Variants in PTPN4 observed in about 807,000 individuals in gnomAD.
The protein encoded by PTPN4 is tyrosine-protein phosphatase non-receptor type 4.
In PTPN4, 49 loss-of-function variants were observed where a neutral mutation model predicts 135.5. The observed-to-expected ratio is 0.36, with a 90% CI of 0.29 to 0.46. The LOEUF is 0.46. Ranked by LOEUF, PTPN4 falls within the 20% of genes least tolerant of loss-of-function variation. The pLI is 1.00. For synonymous variants in PTPN4, 333 were observed against 369.9 expected (o/e 0.90, Z 1.14); for missense variants, 860 against 1,101.0 (o/e 0.78, Z 3.10).
intron 1 of PTPN4, among the ~76,000 whole-genome samples, chr2:119,787,904 G>C (rs1691074570): frequency 6.6e-6 from 1 of 152,120 alleles, no homozygotes; most frequent in East Asian, 1.9e-4. Context: ...GAAATTGCTG[G>C]TATTAAAGAC....
chr2:119,853,883 G>C lies in PTPN4; in HGVS notation c.139-8653G>C, dbSNP rs554613075. The stretch of plus-strand genomic sequence containing the variant: ...AGGGTCCTTTGTCTCAGACCGATTA[G>C]ATAAACAACACGGACACATGTGGCA... On this transcript the variant is annotated intron_variant, in intron 2 of 26. Transcript: ENST00000263708. Among the ~76,000 whole-genome samples, 3 of 152,230 alleles carry C rather than the reference G, an allele frequency of 2.0e-5. No homozygotes were observed. The East Asian group carries it at 5.8e-4, about 29-fold the overall frequency.
chr2:119,862,912 G>C (rs560338369), intron 3 of PTPN4, among the ~76,000 whole-genome samples: 1 of 152,064 alleles, frequency 6.6e-6, no homozygotes, highest in Admixed American at 6.5e-5. Flanking sequence ...TCCAATTTAT[G>C]CCTGTTGACT....
At chr2:119,838,029 C>A (rs1274855503) in intron 2 of PTPN4, among the ~76,000 whole-genome samples, 2 of 152,226 alleles carry the variant, frequency 1.3e-5, no homozygotes, top group Admixed American at 1.3e-4. Context: ...AAGCTTCCTT[C>A]CAGTAGGAAA....
chr2:119,861,139 G>A (rs1677754744), intron 2 of PTPN4, among the ~76,000 whole-genome samples: 2 of 152,048 alleles, frequency 1.3e-5, no homozygotes, highest in South Asian at 4.2e-4. Flanking sequence ...GTCATAACAT[G>A]ACAGAGAAGC....
At chr2:119,799,251 G>A (rs1254102192) in intron 1 of PTPN4, among the ~76,000 whole-genome samples, 4 of 152,180 alleles carry the variant, frequency 2.6e-5, no homozygotes, top group Admixed American at 1.3e-4. Flanking sequence ...ACCTCCATAA[G>A]TGAAATGCTG....
intron 3 of PTPN4, among the ~76,000 whole-genome samples, chr2:119,863,430 A>G (rs928042550): frequency 1.3e-5 from 2 of 152,126 alleles, no homozygotes; most frequent in African/African-American, 4.8e-5. Context: ...TTTGAAGGGA[A>G]TATTTTGTAT....
intron 2 of PTPN4, among the ~76,000 whole-genome samples, chr2:119,813,310 C>A (rs925010256): frequency 6.6e-6 from 1 of 151,424 alleles, no homozygotes; most frequent in Non-Finnish European, 1.5e-5. Context: ...TACAATGGCA[C>A]GATCTCGGCT....
chr2:119,774,168 A>G (rs535089833), intron 1 of PTPN4, among the ~76,000 whole-genome samples: 1 of 152,320 alleles, frequency 6.6e-6, no homozygotes, highest in Admixed American at 6.5e-5. Context: ...CATCATGTTT[A>G]GTGCAAATCA....
intron 26 of PTPN4, among the ~76,000 whole-genome samples, chr2:119,970,537 C>G (rs1558778572): frequency 6.6e-6 from 1 of 152,068 alleles, no homozygotes; most frequent in Admixed American, 6.6e-5. Context: ...TATTCTGGAC[C>G]TTTTATATGA....
intron 3 of PTPN4, 66 bp from the exon 4 acceptor site, chr2:119,877,257 T>C: frequency 6.5e-7 from 1 of 1,530,720 alleles, no homozygotes; most frequent in East Asian, 2.3e-5. Flanking sequence ...TGGAACAGAT[T>C]TGCAAGAATC....
chr2:119,848,757 C>T (rs923170094), intron 2 of PTPN4, among the ~76,000 whole-genome samples: 11 of 151,912 alleles, frequency 7.2e-5, no homozygotes, highest in Non-Finnish European at 1.2e-4. Context: ...CATGCCACCA[C>T]GCCTAGCTAG....
chr2:119,955,142 A>ATTTT lies in PTPN4; in HGVS notation c.1814-6_1814-3dup. 1 of 1,182,336 alleles carries ATTTT rather than the reference A, an allele frequency of 8.5e-7. No homozygotes were observed. Among genetic ancestry groups the ATTTT allele is most frequent in the South Asian group, 1.5e-5 (1 of 65,912 alleles). 73.2% of individuals were successfully genotyped at this position (1,182,336 alleles called of 1,614,324 possible). A position where few individuals can be genotyped will look rare whatever the true frequency, so the allele number is the denominator to read the frequency against. On this transcript the variant is annotated splice_polypyrimidine_tract_variant and intron_variant, in intron 19 of 26. Transcript: ENST00000263708. ...ATTTCCACGTTTTGGGGTTTGTTTG[A>ATTTT]TTTTTTTTTTTTAGCTGTATATGAT...
intron 15 of PTPN4, among the ~76,000 whole-genome samples, chr2:119,943,317 T>C (rs560386248): frequency 6.3e-4 from 96 of 152,312 alleles, no homozygotes; most frequent in Non-Finnish European, 1.1e-3. Flanking sequence ...GGAGAACAGA[T>C]GTATCCAAGG....
At chr2:119,808,834 G>A (rs1481682464) in intron 1 of PTPN4, among the ~76,000 whole-genome samples, 3 of 152,062 alleles carry the variant, frequency 2.0e-5, no homozygotes, top group South Asian at 2.1e-4. Context: ...TTTACTTTGA[G>A]CTTTAATCTT....
intron 1 of PTPN4, among the ~76,000 whole-genome samples, chr2:119,767,941 G>A (rs1690663671): frequency 6.6e-6 from 1 of 152,170 alleles, no homozygotes; most frequent in Non-Finnish European, 1.5e-5. Flanking sequence ...ATATCTGGGA[G>A]TGTGTCAATA....
intron 1 of PTPN4, among the ~76,000 whole-genome samples, chr2:119,797,879 T>G (rs577476418): frequency 9.5e-4 from 145 of 152,290 alleles, no homozygotes; most frequent in Non-Finnish European, 1.6e-3. Context: ...CCTAAGCGCT[T>G]CTTCTTTTTT....
Position 119,809,894 on chromosome 2 carries a change from A to G in PTPN4, c.41A>G (p.Asn14Ser), listed in dbSNP as rs963363739. Residue 14 changes from asparagine (N) to serine (S), a missense_variant, in exon 2 of 27, where the codon AAT (asparagine) becomes AGT (serine). Coordinates refer to ENST00000263708, the MANE Select transcript of PTPN4 (RefSeq NM_002830.4). ...CGATTGCCTGCTGGCAGAACCTACAATGTACGAGCATCAGAGTTGGCCCGA... is the reference window on the plus strand; with the variant it reads ...CGATTGCCTGCTGGCAGAACCTACAGTGTACGAGCATCAGAGTTGGCCCGA... The part of the protein sequence containing the change: ...RFRLPAGRTY[N>S]VRASELARDR... 6 of 1,613,544 alleles carry G rather than the reference A, an allele frequency of 3.7e-6. No individual in the cohort carries two copies. The highest frequency in any genetic ancestry group is 5.1e-6 in the Non-Finnish European group (6 of 1,179,756).
chr2:119,891,038 C>T (rs1329087705), intron 9 of PTPN4, among the ~76,000 whole-genome samples: 3 of 152,188 alleles, frequency 2.0e-5, no homozygotes, highest in African/African-American at 4.8e-5. Context: ...TCACTTTAGA[C>T]AGTCTGATTA....
intron 18 of PTPN4, among the ~76,000 whole-genome samples, 178 bp from the exon 19 acceptor site, chr2:119,951,795 A>G (rs1323905839): frequency 6.6e-6 from 1 of 152,216 alleles, no homozygotes; most frequent in Non-Finnish European, 1.5e-5. Flanking sequence ...AAGAAGGAAC[A>G]AAAATACTCT....
Sources: allele counts gnomAD v4.1 joint callset (sites outside exome capture counted in the v4.1 genomes callset), GRCh38; gene constraint gnomAD v4.1.1; transcripts MANE v1.5; gene names NCBI Gene and HGNC (gene_info 2026-07-23, HGNC 2026-07-21).